The following CREB3L2 variants were observed in gnomAD, a reference collection of about 807,000 sequenced individuals.
CREB3L2 encodes cAMP responsive element binding protein 3 like 2.
CREB3L2 carries 23 observed loss-of-function variants against 57.2 expected under a neutral mutation model. The ratio of observed to expected loss-of-function variants is 0.40; its 90% CI spans 0.29 to 0.57. The LOEUF (loss-of-function observed/expected upper bound fraction) is 0.57, where lower values mean the gene tolerates loss of function less well. CREB3L2 is among the 20% of genes least tolerant of loss of function. The pLI, the probability that CREB3L2 is intolerant of heterozygous loss-of-function variation, is 0.42. For missense variants in CREB3L2, 628 were observed against 634.7 expected, an observed-to-expected ratio of 0.99 and a Z score of 0.11; for synonymous variants, 268 against 265.1, an observed-to-expected ratio of 1.01 and a Z score of -0.11.
At chr7:137,933,515 T>C (rs1386838457) in intron 1 of CREB3L2, among the ~76,000 whole-genome samples, 2 of 152,264 alleles carry the variant, frequency 1.3e-5, no homozygotes, top group Non-Finnish European at 2.9e-5. Context: ...TAACTTTCCC[T>C]GAACTCCCCC....
chr7:137,955,272 G>C lies in CREB3L2; in HGVS notation c.103-26906C>G, dbSNP rs1299464410. 3 of 1,289,000 alleles carry C rather than the reference G, an allele frequency of 2.3e-6. No individual in the cohort carries two copies. The Admixed American group carries it at 6.9e-5, about 30-fold the overall frequency. 79.8% of individuals were successfully genotyped at this position (1,289,000 alleles called of 1,614,324 possible). On this transcript the variant is annotated intron_variant, in intron 1 of 11. Transcript: ENST00000330387. ...GGTATAGAAAAAGCACGTGTTCACA[G>C]ACAGTTTCTCTAAGGAGCAAGCAGC...
intron 8 of CREB3L2, among the ~76,000 whole-genome samples, chr7:137,898,437 T>C (rs1799671223): frequency 6.6e-6 from 1 of 152,222 alleles, no homozygotes; most frequent in Non-Finnish European, 1.5e-5. Context: ...GAAATCAGCA[T>C]CTCATGGTTA....
chr7:137,935,611 C>T (rs887945435), intron 1 of CREB3L2, among the ~76,000 whole-genome samples: 1 of 152,154 alleles, frequency 6.6e-6, no homozygotes, highest in African/African-American at 2.4e-5. Context: ...CGTTTACCCA[C>T]CCCTCTCTCT....
At chr7:137,926,422 T>C (rs1368604258) in intron 2 of CREB3L2, among the ~76,000 whole-genome samples, 1 of 152,178 alleles carries the variant, frequency 6.6e-6, no homozygotes, top group Non-Finnish European at 1.5e-5. Flanking sequence ...TGAGTGCATG[T>C]CCTTTGCAGG....
intron 10 of CREB3L2, chr7:137,884,674 G>A (rs1278839874): frequency 1.7e-5 from 10 of 586,470 alleles, no homozygotes; most frequent in Admixed American, 9.0e-5. Context: ...CACAGAAAGC[G>A]ACAGACTCTT....
intron 8 of CREB3L2, among the ~76,000 whole-genome samples, chr7:137,892,164 C>T (rs1799539450): frequency 6.6e-6 from 1 of 151,976 alleles, no homozygotes; most frequent in African/African-American, 2.4e-5. Flanking sequence ...ATAGAATACA[C>T]AATATCAGAG....
chr7:137,905,549 G>A (rs1200135294), intron 6 of CREB3L2, among the ~76,000 whole-genome samples, 153 bp downstream of exon 6: 1 of 152,020 alleles, frequency 6.6e-6, no homozygotes, highest in Non-Finnish European at 1.5e-5. Flanking sequence ...ACGTGGTGAG[G>A]GTGCTCCTCC....
chr7:137,989,191 C>T (rs1316362375), intron 1 of CREB3L2, among the ~76,000 whole-genome samples: 1 of 152,138 alleles, frequency 6.6e-6, no homozygotes, highest in African/African-American at 2.4e-5. Flanking sequence ...TTCGTGCTCT[C>T]GCCTGGAAAC....
rs1428885897 is a variant in CREB3L2, at chr7:137,880,503, G to A, written c.1536C>T (p.Leu512=). 9 of 1,613,682 alleles carry A rather than the reference G, an allele frequency of 5.6e-6. No individual in the cohort carries two copies. Among genetic ancestry groups the A allele is most frequent in the Middle Eastern group, 1.6e-4 (1 of 6,084 alleles). The change falls in exon 12 of 12, where the codon CTC becomes CTT. Residue 512 remains leucine (L), a synonymous_variant. Transcript: ENST00000330387. This position sits in a 1 kb window ranked among gnomAD's most constrained non-coding sequence, Gnocchi z 4.0. ...AGAAAGTGGTGTTCACTCTTCTGTC[G>A]AGTTCTACAACTTTTAGTGTTTCAT... is the stretch of plus-strand genomic sequence containing the variant. ...EGNETLKVVE[L]DRRVNTTF
At chr7:137,991,263 A>T (rs906703203) in intron 1 of CREB3L2, among the ~76,000 whole-genome samples, 3 of 151,376 alleles carry the variant, frequency 2.0e-5, no homozygotes, top group African/African-American at 7.3e-5. Context: ...TCCCGGGTTC[A>T]TGCTATTCTC....
intron 1 of CREB3L2, among the ~76,000 whole-genome samples, chr7:137,929,585 A>G (rs552036969): frequency 6.6e-6 from 1 of 152,046 alleles, no homozygotes; most frequent in South Asian, 2.1e-4. Context: ...AAATAGGGCC[A>G]GGCACGGTGG....
chr7:137,911,033 A>G (rs1799993833), intron 4 of CREB3L2, among the ~76,000 whole-genome samples: 1 of 152,216 alleles, frequency 6.6e-6, no homozygotes, highest in Non-Finnish European at 1.5e-5. Context: ...AGAAGCCACT[A>G]TGGGATTCAT....
intron 2 of CREB3L2, among the ~76,000 whole-genome samples, chr7:137,921,850 A>T (rs1434298096): frequency 1.3e-5 from 2 of 152,108 alleles, no homozygotes; most frequent in Admixed American, 6.6e-5. Context: ...CTGTCACTGC[A>T]GCCTTGACCT....
chr7:137,996,303 T>G (rs1356800847), intron 1 of CREB3L2, among the ~76,000 whole-genome samples: 2 of 152,222 alleles, frequency 1.3e-5, no homozygotes, highest in Non-Finnish European at 2.9e-5. Context: ...AAAGAGAACA[T>G]TACAGTGAAC....
intron 1 of CREB3L2, among the ~76,000 whole-genome samples, chr7:137,930,646 G>A (rs571548095): frequency 6.6e-6 from 1 of 152,154 alleles, no homozygotes; most frequent in African/African-American, 2.4e-5. Flanking sequence ...TCACAAACAC[G>A]GGACATGGCA....
At chr7:137,890,870 A>G (rs1374517393) in intron 8 of CREB3L2, among the ~76,000 whole-genome samples, 2 of 152,240 alleles carry the variant, frequency 1.3e-5, no homozygotes, top group Non-Finnish European at 2.9e-5. Context: ...ATGAAATGGA[A>G]AAGTTATTTT....
At chr7:137,969,400 G>A (rs1487986562) in intron 1 of CREB3L2, among the ~76,000 whole-genome samples, 2 of 133,482 alleles carry the variant, frequency 1.5e-5, no homozygotes, top group East Asian at 2.3e-4. Context: ...AGGCTGGAGT[G>A]CAATGGCACG....
At chr7:137,887,746 A>G (rs1271958664) in intron 8 of CREB3L2, among the ~76,000 whole-genome samples, 1 of 152,088 alleles carries the variant, frequency 6.6e-6, no homozygotes, top group African/African-American at 2.4e-5. Context: ...TTCTATCTAC[A>G]TGACATTTTC....
chr7:137,928,262 G>C lies in CREB3L2; in HGVS notation c.207C>G (p.Ser69=), dbSNP rs1457857027. The stretch of plus-strand genomic sequence containing the variant: ...GGATGAGAGGCGCCGGGGACGTCGG[G>C]GAAGGTTCCACCTCCATTGACACAC... ...EKSVSMEVEP[S]PTSPAPLIQA... The change falls in exon 2 of 12, where the codon TCC becomes TCG. Residue 69 remains serine, a synonymous_variant. Transcript: ENST00000330387. 4 of 1,613,944 alleles carry C rather than the reference G, an allele frequency of 2.5e-6. No individual in the cohort carries two copies. The highest frequency in any genetic ancestry group is 3.4e-6 in the Non-Finnish European group (4 of 1,179,958).
Sources: gnomAD v4.1 joint callset for allele counts (sites outside exome capture counted in the v4.1 genomes callset) on GRCh38, gnomAD v4.1.1 for gene constraint, Gnocchi (gnomAD v3.1) non-coding constraint, MANE v1.5 for transcripts, NCBI Gene and HGNC (gene_info 2026-07-23, HGNC 2026-07-21) for gene names.